The following TIAM2 variants were observed in gnomAD, a reference collection of about 807,000 sequenced individuals.
TIAM2 encodes TIAM Rac1 associated GEF 2, also known as rho guanine nucleotide exchange factor TIAM2.
In TIAM2, 80 loss-of-function variants were observed where a neutral mutation model predicts 152.9. The ratio of observed to expected loss-of-function variants is 0.52; its 90% CI spans 0.44 to 0.63. The LOEUF (loss-of-function observed/expected upper bound fraction) is 0.63. Ranked by LOEUF, TIAM2 falls within the 30% of genes least tolerant of loss-of-function variation. The pLI, the probability that TIAM2 is intolerant of heterozygous loss-of-function variation, is 0.00. For missense variants in TIAM2, 1,965 were observed against 2,120.1 expected, an observed-to-expected ratio of 0.93 and a Z score of 1.44; for synonymous variants, 804 against 838.0, an observed-to-expected ratio of 0.96 and a Z score of 0.70.
At chr6:155,239,207 G>C (rs1465309795) in intron 15 of TIAM2, among the ~76,000 whole-genome samples, 1 of 152,226 alleles carries the variant, frequency 6.6e-6, no homozygotes, top group Non-Finnish European at 1.5e-5. Context: ...AGGCATGAAG[G>C]CATTTAAGCT....
chr6:155,087,695 G>A (rs1583183046), intron 1 of TIAM2, among the ~76,000 whole-genome samples: 1 of 152,084 alleles, frequency 6.6e-6, no homozygotes, highest in East Asian at 1.9e-4. Flanking sequence ...GTTGCAGTGA[G>A]CTGAGATCGC....
chr6:155,149,676 G>A (rs1260136811), intron 7 of TIAM2, among the ~76,000 whole-genome samples: 2 of 151,928 alleles, frequency 1.3e-5, no homozygotes, highest in East Asian at 1.9e-4. Flanking sequence ...TAATCCCGGC[G>A]CTTTGGGAGG....
At chr6:155,250,836 T>C in intron 21 of TIAM2, 77 bp from the exon 22 acceptor site, 1 of 1,414,148 alleles carries the variant, frequency 7.1e-7, no homozygotes, top group Non-Finnish European at 1.0e-6. Flanking sequence ...AATGACTGTG[T>C]GTACATCACT....
intron 7 of TIAM2, among the ~76,000 whole-genome samples, chr6:155,155,484 T>C (rs753687872): frequency 2.0e-5 from 3 of 152,020 alleles, no homozygotes; most frequent in African/African-American, 4.8e-5. Context: ...TTTTATTTTC[T>C]ATTTTTTTGA....
intron 2 of TIAM2, among the ~76,000 whole-genome samples, chr6:155,103,543 G>A (rs1171813958): frequency 2.0e-5 from 3 of 151,966 alleles, no homozygotes; most frequent in African/African-American, 7.3e-5. Context: ...GGCCAACATG[G>A]TGAAACCCTG....
chr6:155,107,073 G>C (rs1272860632), intron 2 of TIAM2, among the ~76,000 whole-genome samples: 3 of 152,150 alleles, frequency 2.0e-5, no homozygotes, highest in African/African-American at 7.2e-5. Flanking sequence ...GTGAGTTTGT[G>C]GATGTGTATA....
chr6:155,136,903 G>A (rs1475797411), intron 4 of TIAM2, among the ~76,000 whole-genome samples: 1 of 152,084 alleles, frequency 6.6e-6, no homozygotes, highest in South Asian at 2.1e-4. Context: ...TTAATTTCTC[G>A]ATGCTAAGCA....
At position 155,244,088 on chromosome 6, in the gene TIAM2, A is replaced by C. The variant is rs763263007; in HGVS notation, c.3417+9A>C. On this transcript the variant is annotated intron_variant, in intron 17 of 26. Coordinates refer to ENST00000682666, the MANE Select transcript of TIAM2 (RefSeq NM_012454.4). ...TTCTTACCCAAGATGAGGTAAATAA[A>C]ATCACCTTCCTTCTGTCCAGTGATC... is the stretch of plus-strand genomic sequence containing the variant. 1 of 1,613,126 alleles carries C rather than the reference A, an allele frequency of 6.2e-7. No homozygotes were observed. Among genetic ancestry groups the C allele is most frequent in the Non-Finnish European group, 8.5e-7 (1 of 1,179,122 alleles).
chr6:154,995,825 C>G lies in TIAM2; in HGVS notation c.-209+333C>G, dbSNP rs1778202622. On this transcript the variant is annotated intron_variant, in intron 1 of 26. Coordinates refer to ENST00000682666, the MANE Select transcript of TIAM2 (RefSeq NM_012454.4). This position sits in a 1 kb window ranked among gnomAD's most constrained non-coding sequence, Gnocchi z 5.2. The stretch of plus-strand genomic sequence containing the variant: ...CCCACTTTCAGCCCCGGTCCCATCC[C>G]GGATGGGAGGAGGCGGCGCCCCGGC... Among the ~76,000 whole-genome samples the G allele has an allele frequency of 6.6e-6, 1 of 152,168 alleles. No individual in the cohort carries two copies. The highest frequency in any genetic ancestry group is 1.5e-5 in the Non-Finnish European group (1 of 68,018).
At chr6:155,036,516 GAAA>G (rs992356519) in intron 1 of TIAM2, among the ~76,000 whole-genome samples, 1 of 63,230 alleles carries the variant, frequency 1.6e-5, no homozygotes, top group Non-Finnish European at 3.5e-5. Flanking sequence ...TCTCAAAAAA[GAAA>G]AAAAAAAAAA....
chr6:155,117,178 T>C (rs1176861562), intron 2 of TIAM2, among the ~76,000 whole-genome samples: 2 of 152,116 alleles, frequency 1.3e-5, no homozygotes. Flanking sequence ...CAATATTGAT[T>C]CTGTAATTTA....
At chr6:155,008,055 G>A (rs1275865204) in intron 1 of TIAM2, among the ~76,000 whole-genome samples, 1 of 152,146 alleles carries the variant, frequency 6.6e-6, no homozygotes, top group Non-Finnish European at 1.5e-5. Context: ...ATGTGGACAC[G>A]TACATATGTA....
At chr6:155,169,059 G>A (rs986937517) in intron 9 of TIAM2, 18 of 746,838 alleles carry the variant, frequency 2.4e-5, no homozygotes, top group Non-Finnish European at 3.5e-5. Context: ...GCAGTGGCAC[G>A]ATCTTGGCTC....
At chr6:155,101,284 C>A (rs1158338873) in intron 2 of TIAM2, among the ~76,000 whole-genome samples, 1 of 152,122 alleles carries the variant, frequency 6.6e-6, no homozygotes, top group Non-Finnish European at 1.5e-5. Flanking sequence ...GACATTTTTG[C>A]TACCGCATTT....
chr6:155,183,248 G>A lies in TIAM2; in HGVS notation c.2812G>A (p.Gly938Ser), dbSNP rs1780953979. The A allele has an allele frequency of 1.2e-6, 2 of 1,613,714 alleles. No homozygotes were observed. The highest frequency in any genetic ancestry group is 1.3e-5 in the African/African-American group (1 of 74,884). The change falls in exon 14 of 27, where the codon GGC (glycine) becomes AGC (serine). Residue 938 changes from glycine to serine, a missense_variant. Physicochemically the swap from Gly to Ser is moderately conservative, Grantham distance 56. Transcript: ENST00000682666. ...TTCCTTTTTCTCAGGGCTGAGAAAG[G>A]GCAATGAGATCATGACCTTAAATGG... ...GLAYGEGLRKGNEIMTLNGEA... is the reference protein window; with the variant it reads ...GLAYGEGLRKSNEIMTLNGEA...
At chr6:155,222,974 C>T (rs992022823) in intron 15 of TIAM2, among the ~76,000 whole-genome samples, 7 of 152,114 alleles carry the variant, frequency 4.6e-5, no homozygotes, top group African/African-American at 1.4e-4. Flanking sequence ...TAATGGTATG[C>T]GAAGGTCAGG....
intron 2 of TIAM2, among the ~76,000 whole-genome samples, chr6:155,112,426 T>C (rs919490532): frequency 6.6e-6 from 1 of 151,930 alleles, no homozygotes; most frequent in Non-Finnish European, 1.5e-5. Context: ...CCGTGCCAGG[T>C]CTCTTGGTTC....
chr6:155,130,878 A>G (rs1779430408), intron 4 of TIAM2, among the ~76,000 whole-genome samples: 1 of 152,104 alleles, frequency 6.6e-6, no homozygotes, highest in Non-Finnish European at 1.5e-5. Flanking sequence ...TAATCCCATC[A>G]TGGGGACTCT....
intron 15 of TIAM2, among the ~76,000 whole-genome samples, chr6:155,221,340 C>T (rs929624125): frequency 1.6e-4 from 25 of 152,292 alleles, no homozygotes; most frequent in Middle Eastern, 6.8e-3. Flanking sequence ...ACTCCCGTTC[C>T]TCATCCTGCT....
Sources: allele counts gnomAD v4.1 joint callset (sites outside exome capture counted in the v4.1 genomes callset), GRCh38; gene constraint gnomAD v4.1.1; non-coding constraint Gnocchi (gnomAD v3.1); transcripts MANE v1.5; gene names NCBI Gene and HGNC (gene_info 2026-07-23, HGNC 2026-07-21).